LGSN: variants seen among roughly 807,000 people sequenced by gnomAD.
LGSN encodes lengsin.
A neutral mutation model predicts 19.5 loss-of-function variants in LGSN; 21 were observed. The ratio of observed to expected loss-of-function variants is 1.07; its 90% confidence interval spans 0.76 to 1.55. The LOEUF (loss-of-function observed/expected upper bound fraction) is 1.55. LGSN is among the 40% of genes most tolerant of loss of function. LGSN has a pLI of 0.00. For synonymous variants in LGSN, 257 were observed against 215.6 expected, an observed-to-expected ratio of 1.19 and a Z score of -1.68; for missense variants, 673 against 608.5, an observed-to-expected ratio of 1.11 and a Z score of -1.12.
the LGSN span, among the ~76,000 whole-genome samples, chr6:63,461,055 C>T: frequency 2.1e-3 from 324 of 152,268 alleles, no homozygotes; most frequent in Middle Eastern, 6.8e-3. Flanking sequence ...GTAAATGTCT[C>T]TGCTGCTGGG....
chr6:63,511,234 G>A, the LGSN span, among the ~76,000 whole-genome samples: 1 of 148,510 alleles, frequency 6.7e-6, no homozygotes, highest in Non-Finnish European at 1.5e-5. Flanking sequence ...GCTTATACAA[G>A]TAAATAGATT....
the LGSN span, among the ~76,000 whole-genome samples, chr6:63,531,117 G>A: frequency 6.6e-6 from 1 of 152,148 alleles, no homozygotes; most frequent in Non-Finnish European, 1.5e-5. Flanking sequence ...AGTTCCCTCA[G>A]TCTCCAAAGT....
chr6:63,391,806 A>C, the LGSN span, among the ~76,000 whole-genome samples: 1 of 152,170 alleles, frequency 6.6e-6, no homozygotes, highest in Non-Finnish European at 1.5e-5. Flanking sequence ...CAGAAGTCAC[A>C]TGATGTAAAG....
chr6:63,498,836 C>T, the LGSN span, among the ~76,000 whole-genome samples: 11 of 152,060 alleles, frequency 7.2e-5, no homozygotes, highest in East Asian at 1.7e-3. Context: ...GGTTGATTAA[C>T]GCAGGGAAGA....
the LGSN span, among the ~76,000 whole-genome samples, chr6:63,361,362 C>T: frequency 6.6e-6 from 1 of 152,192 alleles, no homozygotes; most frequent in Non-Finnish European, 1.5e-5. Context: ...ATGGTGGGCA[C>T]CCCTCCCTCA....
the LGSN span, among the ~76,000 whole-genome samples, chr6:63,517,985 T>C: frequency 6.6e-6 from 1 of 151,988 alleles, no homozygotes; most frequent in Non-Finnish European, 1.5e-5. Flanking sequence ...AAACCCCATC[T>C]CTACTAAAAA....
the LGSN span, among the ~76,000 whole-genome samples, chr6:63,346,039 A>G: frequency 1.3e-5 from 2 of 152,324 alleles, no homozygotes; most frequent in African/African-American, 4.8e-5. Context: ...ATATTGTGAC[A>G]TCGGAAATAT....
chr6:63,366,938 T>A, the LGSN span, among the ~76,000 whole-genome samples: 5 of 151,370 alleles, frequency 3.3e-5, no homozygotes, highest in African/African-American at 7.4e-5. Flanking sequence ...CAAAAATTAA[T>A]TCAAGATGGA....
the LGSN span, among the ~76,000 whole-genome samples, chr6:63,418,486 A>G: frequency 2.6e-5 from 4 of 152,156 alleles, no homozygotes; most frequent in South Asian, 6.2e-4. Context: ...TCTTGAACCC[A>G]GGAGGCGGAG....
the LGSN span, among the ~76,000 whole-genome samples, chr6:63,404,768 C>A: frequency 6.6e-6 from 1 of 151,870 alleles, no homozygotes; most frequent in Non-Finnish European, 1.5e-5. Context: ...CAGTCCATTG[C>A]AATGATTAAT....
chr6:63,362,558 C>T, the LGSN span, among the ~76,000 whole-genome samples: 1 of 152,204 alleles, frequency 6.6e-6, no homozygotes, highest in Non-Finnish European at 1.5e-5. Flanking sequence ...TATCCCCCGC[C>T]TGGCTCAGAG....
chr6:63,554,264 T>G, the LGSN span, among the ~76,000 whole-genome samples: 19,763 of 152,236 alleles, frequency 0.13, 1,611 homozygotes, highest in African/African-American at 0.23. Flanking sequence ...TCAAGCTTCT[T>G]GTCTCTCTTA....
At chr6:63,416,511 CATAA>C in the LGSN span, among the ~76,000 whole-genome samples, 1 of 152,130 alleles carries the variant, frequency 6.6e-6, no homozygotes, top group African/African-American at 2.4e-5. Flanking sequence ...TGAATCTGCT[CATAA>C]ATAGAGTGGT....
the LGSN span, among the ~76,000 whole-genome samples, chr6:63,339,272 A>G: frequency 1.3e-3 from 200 of 152,280 alleles, no homozygotes; most frequent in Non-Finnish European, 2.3e-3. Context: ...AAAATGGGAT[A>G]TTGAAGTTCC....
chr6:63,564,568 C>A, the LGSN span, among the ~76,000 whole-genome samples: 1 of 152,200 alleles, frequency 6.6e-6, no homozygotes, highest in African/African-American at 2.4e-5. Context: ...TTATCTGCAG[C>A]CTAAATGCCA....
the LGSN span, among the ~76,000 whole-genome samples, chr6:63,565,143 G>A: frequency 6.6e-6 from 1 of 152,012 alleles, no homozygotes; most frequent in Middle Eastern, 3.2e-3. Context: ...CTCCGAGGGA[G>A]CTACAACTAC....
At chr6:63,335,717 A>T in the LGSN span, among the ~76,000 whole-genome samples, 1 of 152,310 alleles carries the variant, frequency 6.6e-6, no homozygotes, top group East Asian at 1.9e-4. Context: ...TGTTAGTGGA[A>T]ACGTAAATTA....
the LGSN span, among the ~76,000 whole-genome samples, chr6:63,403,948 C>T: frequency 8.5e-6 from 1 of 117,126 alleles, no homozygotes; most frequent in Admixed American, 8.0e-5. Flanking sequence ...CTCTCTCTTT[C>T]TCTCTCTCTC....
At chr6:63,459,130 C>T in the LGSN span, among the ~76,000 whole-genome samples, 3 of 152,134 alleles carry the variant, frequency 2.0e-5, no homozygotes, top group South Asian at 6.2e-4. Flanking sequence ...TTCAAAATGT[C>T]AACAATGTTT....
Sources: allele counts gnomAD v4.1 joint callset (sites outside exome capture counted in the v4.1 genomes callset), GRCh38; gene constraint gnomAD v4.1.1; transcripts MANE v1.5; gene names NCBI Gene and HGNC (gene_info 2026-07-23, HGNC 2026-07-21).